The following POLR1D variants were observed in gnomAD, a reference collection of about 807,000 sequenced individuals.
The protein encoded by POLR1D is DNA-directed RNA polymerases I and III subunit RPAC2.
POLR1D carries 8 observed loss-of-function variants against 10.8 expected under a neutral mutation model. That is an observed-to-expected ratio of 0.74 (90% CI 0.43 to 1.33). The LOEUF (loss-of-function observed/expected upper bound fraction) is 1.33, where lower values mean the gene tolerates loss of function less well. POLR1D is among the 40% of genes most tolerant of loss of function. The pLI is 0.01. For synonymous variants in POLR1D, 54 were observed against 57.2 expected, an observed-to-expected ratio of 0.94 and a Z score of 0.25; for missense variants, 152 against 161.7, an observed-to-expected ratio of 0.94 and a Z score of 0.32.
chr13:27,620,910 GGT>G (rs919947823), upstream of POLR1D: 11 of 152,736 alleles, frequency 7.2e-5, no homozygotes, highest in Admixed American at 2.0e-4. Flanking sequence ...CGCGGGGCGG[GGT>G]GGGGGGAGGC....
At chr13:27,645,629 A>G (rs1392256419) in intron 1 of POLR1D, among the ~76,000 whole-genome samples, 1 of 152,168 alleles carries the variant, frequency 6.6e-6, no homozygotes, top group East Asian at 1.9e-4. Flanking sequence ...AACCATGGGA[A>G]TGGGTCACGC....
chr13:27,642,366 G>A (rs745326050), intron 1 of POLR1D, among the ~76,000 whole-genome samples: 3 of 152,160 alleles, frequency 2.0e-5, no homozygotes, highest in South Asian at 2.1e-4. Context: ...CTAAGGATAC[G>A]TGTTGCTGTT....
chr13:27,634,042 T>C (rs189940658), intron 1 of POLR1D, among the ~76,000 whole-genome samples: 3 of 152,372 alleles, frequency 2.0e-5, no homozygotes, highest in Admixed American at 6.5e-5. Flanking sequence ...TGAAGCCTTC[T>C]AGACTTGATT....
rs182654565 is a variant in POLR1D, at chr13:27,647,135, A to G, written c.27-1244A>G. On this transcript the variant is annotated intron_variant, in intron 1 of 2. Coordinates refer to the POLR1D transcript ENST00000399697. ...TTTTTCTTAACTTTGTTATTGATAC[A>G]TCATATTCAAGTCAGGGACGATCAT... Among the ~76,000 whole-genome samples the G allele has an allele frequency of 1.3e-3, 192 of 152,240 alleles. 1 individual carries two copies. Among genetic ancestry groups the G allele is most frequent in the South Asian group, 2.3e-3 (11 of 4,828 alleles).
chr13:27,649,381 G>GTAAAA (rs1309871946), intron 2 of POLR1D, among the ~76,000 whole-genome samples: 1 of 152,080 alleles, frequency 6.6e-6, no homozygotes, highest in Non-Finnish European at 1.5e-5. Context: ...TTGAGTGGAT[G>GTAAAA]GCTTAGCTAC....
chr13:27,637,932 A>C (rs1275153914), intron 1 of POLR1D, among the ~76,000 whole-genome samples: 1 of 152,004 alleles, frequency 6.6e-6, no homozygotes, highest in African/African-American at 2.4e-5. Flanking sequence ...CACTGGCATA[A>C]ATTTTTTTTT....
chr13:27,622,004 G>A lies in POLR1D; in HGVS notation c.21G>A (p.Leu7=). MEEDQE[L]ERKISGLKTS... ...CAGCGATGGAAGAGGATCAGGAGCTGGAGAGGTAACGGCCGAGGAGGAGGC... is the reference window on the plus strand; with the variant it reads ...CAGCGATGGAAGAGGATCAGGAGCTAGAGAGGTAACGGCCGAGGAGGAGGC... The change falls in exon 1 of 2, where the codon CTG becomes CTA. Residue 7 remains leucine (L), a synonymous_variant. Coordinates refer to ENST00000302979, the MANE Select transcript of POLR1D (RefSeq NM_015972.4). 6.3e-7 allele frequency: 1 copy of A among 1,591,062 alleles called. No individual in the cohort carries two copies. Among genetic ancestry groups the A allele is most frequent in the Non-Finnish European group, 8.6e-7 (1 of 1,169,126 alleles).
intron 2 of POLR1D, among the ~76,000 whole-genome samples, chr13:27,656,129 A>G (rs997311229): frequency 2.0e-5 from 3 of 152,224 alleles, no homozygotes; most frequent in African/African-American, 7.2e-5. Flanking sequence ...CACAAAACCT[A>G]GAAGCTATGA....
At chr13:27,624,262 T>C (rs1376218900), downstream of POLR1D, among the ~76,000 whole-genome samples, 2 of 152,198 alleles carry the variant, frequency 1.3e-5, no homozygotes, top group African/African-American at 2.4e-5. Context: ...GGCCTTGGCA[T>C]TTACTATGCT....
chr13:27,655,605 A>G (rs954131330), intron 2 of POLR1D, among the ~76,000 whole-genome samples: 4 of 152,200 alleles, frequency 2.6e-5, no homozygotes, highest in African/African-American at 9.6e-5. Flanking sequence ...TAATTACAAC[A>G]GATCAGGAGG....
chr13:27,629,744 C>T (rs1245860427), intron 1 of POLR1D, among the ~76,000 whole-genome samples: 1 of 152,122 alleles, frequency 6.6e-6, no homozygotes, highest in African/African-American at 2.4e-5. Flanking sequence ...ATGGAACATT[C>T]GTAATCATCC....
chr13:27,648,894 C>A (rs1956243804), intron 2 of POLR1D, among the ~76,000 whole-genome samples: 1 of 152,100 alleles, frequency 6.6e-6, no homozygotes, highest in African/African-American at 2.4e-5. Context: ...TTAAAGATTA[C>A]CTTTGCAGAT....
chr13:27,624,777 G>C (rs1955991659), downstream of POLR1D, among the ~76,000 whole-genome samples: 1 of 152,086 alleles, frequency 6.6e-6, no homozygotes, highest in African/African-American at 2.4e-5. Flanking sequence ...AGTCCCAGCT[G>C]CTTGGGAAGC....
At chr13:27,643,857 A>G (rs1051281905) in intron 1 of POLR1D, among the ~76,000 whole-genome samples, 26 of 152,166 alleles carry the variant, frequency 1.7e-4, no homozygotes, top group African/African-American at 4.8e-4. Context: ...ATTTCTGCCA[A>G]TTTTCTAAGA....
At chr13:27,632,190 G>A (rs1355492892) in intron 1 of POLR1D, among the ~76,000 whole-genome samples, 3 of 152,210 alleles carry the variant, frequency 2.0e-5, no homozygotes, top group African/African-American at 7.2e-5. Context: ...ACTTGAAGTT[G>A]ATTGATGGAT....
intron 2 of POLR1D, chr13:27,661,058 AAG>A (rs1231820156): frequency 2.0e-5 from 3 of 152,226 alleles, no homozygotes; most frequent in Admixed American, 6.5e-5. Context: ...ATCCTTCAGC[AAG>A]AGAGACAAAA....
intron 1 of POLR1D, among the ~76,000 whole-genome samples, chr13:27,630,023 T>G (rs908155599): frequency 6.6e-6 from 1 of 152,184 alleles, no homozygotes; most frequent in African/African-American, 2.4e-5. Context: ...GAGATTCTTC[T>G]GCCTCAGCCT....
intron 1 of POLR1D, among the ~76,000 whole-genome samples, chr13:27,640,421 A>G (rs1290692621): frequency 6.6e-6 from 1 of 152,192 alleles, no homozygotes; most frequent in African/African-American, 2.4e-5. Flanking sequence ...AAGGTTTTGA[A>G]CTGCAGAAAA....
intron 1 of POLR1D, among the ~76,000 whole-genome samples, chr13:27,640,967 G>A (rs1301960584): frequency 6.6e-6 from 1 of 152,016 alleles, no homozygotes; most frequent in Non-Finnish European, 1.5e-5. Context: ...GTATAATCTA[G>A]TCTTACCTAG....
Sources: gnomAD v4.1 joint callset for allele counts (sites outside exome capture counted in the v4.1 genomes callset) on GRCh38, gnomAD v4.1.1 for gene constraint, MANE v1.5 for transcripts, NCBI Gene and HGNC (gene_info 2026-07-23, HGNC 2026-07-21) for gene names.